Variants in FLII observed in about 807,000 individuals in gnomAD.
FLII encodes the protein FLII actin remodeling protein.
Under a neutral mutation model 156.2 loss-of-function variants are expected in FLII, and 101 were observed. The observed-to-expected ratio is 0.65, with a 90% CI of 0.55 to 0.76. FLII has a LOEUF of 0.76. FLII is among the 30% of genes least tolerant of loss of function. The pLI, the probability that FLII is intolerant of heterozygous loss-of-function variation, is 0.00. For synonymous variants in FLII, 767 were observed against 685.8 expected (o/e 1.12, Z -1.85); for missense variants, 1,675 against 1,682.8 (o/e 1.00, Z 0.08).
chr17:18,249,749 C>T (rs2048202122), intron 14 of FLII, among the ~76,000 whole-genome samples: 2 of 151,384 alleles, frequency 1.3e-5, no homozygotes, highest in African/African-American at 4.9e-5. Context: ...GAGATTGTGC[C>T]ATTGTACTCC....
intron 14 of FLII, among the ~76,000 whole-genome samples, chr17:18,249,817 AC>A (rs1406090690): frequency 2.0e-5 from 3 of 149,944 alleles, no homozygotes; most frequent in African/African-American, 7.4e-5. Flanking sequence ...CAAACAAACA[AC>A]AACAAAAAAA....
rs768643237 is a variant in FLII at position 18,251,363 on chromosome 17, C to G, written c.1498G>C (p.Gly500Arg). The stretch of plus-strand genomic sequence containing the variant: ...TTCTCTATCTGCCAGATGGTCAGTC[C>G]GGGCAGCTGGCCCACGTCCTCCGTG... ...FFTEDVGQLPGLTIWQIENFV... is the reference protein window; with the variant it reads ...FFTEDVGQLPRLTIWQIENFV... The change falls in exon 13 of 30, where the codon GGA becomes CGA. Residue 500 changes from glycine to arginine, a missense_variant. This residue lies in a region of FLII where 1,332 missense variants were observed against 1,269.3 expected (regional missense o/e 1.05). Coordinates refer to ENST00000327031, the MANE Select transcript of FLII (RefSeq NM_002018.4). 9 of 1,613,672 alleles carry G rather than the reference C, an allele frequency of 5.6e-6. No individual in the cohort carries two copies. The highest frequency in any genetic ancestry group is 1.1e-5 in the South Asian group (1 of 91,088).
chr17:18,247,913 C>T lies in FLII; in HGVS notation c.2295+16G>A. 2 of 1,613,434 alleles carry T rather than the reference C, an allele frequency of 1.2e-6. No individual in the cohort carries two copies. The highest frequency in any genetic ancestry group is 1.7e-5 in the Admixed American group (1 of 60,022). ...GGGAGGGATCTGGCCCCACGCCCTC[C>T]TCCTGCATCTCTTACCAGCCGCATT... On this transcript the variant is annotated intron_variant, in intron 19 of 29. Coordinates refer to ENST00000327031, the MANE Select transcript of FLII (RefSeq NM_002018.4).
rs748630784 is a variant in FLII, at chr17:18,252,508, G to C, written c.1062C>G (p.Thr354=). 2 of 1,613,624 alleles carry C rather than the reference G, an allele frequency of 1.2e-6. No individual in the cohort carries two copies. The highest frequency in any genetic ancestry group is 1.7e-6 in the Non-Finnish European group (2 of 1,179,996). The stretch of plus-strand genomic sequence containing the variant: ...TCAGGAAATGGATGGCTTCTGGGAG[G>C]GTCACCAGGTGGTTCTTGTTCAGGA... The part of the protein sequence containing the change: ...KLVLNKNHLV[T]LPEAIHFLTE... Residue 354 remains threonine (T), a synonymous_variant, in exon 10 of 30, where the codon ACC becomes ACG. Coordinates refer to ENST00000327031, the MANE Select transcript of FLII (RefSeq NM_002018.4).
chr17:18,257,548 G>A (rs1431023465), intron 1 of FLII, among the ~76,000 whole-genome samples: 1 of 152,218 alleles, frequency 6.6e-6, no homozygotes, highest in African/African-American at 2.4e-5. Context: ...GCCCACCTCG[G>A]CACCTCCAGC....
chr17:18,252,336 G>T, intron 10 of FLII, 136 bp downstream of exon 10: 1 of 919,150 alleles, frequency 1.1e-6, no homozygotes, highest in Non-Finnish European at 1.7e-6. Flanking sequence ...GATGCAGGGA[G>T]GTGGGGCCCA....
chr17:18,257,077 C>T (rs1222076312), intron 1 of FLII, 58 bp from the exon 2 acceptor site: 2 of 1,182,362 alleles, frequency 1.7e-6, no homozygotes, highest in Non-Finnish European at 2.4e-6. Context: ...TTCTATGGCT[C>T]CTCCAGCCCA....
Position 18,246,060 on chromosome 17 carries a change from AACCTGGGG to A in FLII, c.3268-6_3269del, listed in dbSNP as rs1434854005. 6.2e-7 allele frequency: 1 copy of A among 1,613,978 alleles called. No individual in the cohort carries two copies. The highest frequency in any genetic ancestry group is 8.5e-7 in the Non-Finnish European group (1 of 1,180,032). On this transcript the variant is annotated splice_acceptor_variant and splice_polypyrimidine_tract_variant and coding_sequence_variant and intron_variant, in exon 26 of 30. Coordinates refer to ENST00000327031, the MANE Select transcript of FLII (RefSeq NM_002018.4). LOFTEE classifies it high-confidence loss of function. ...CCTGGTTGTCCTCACTCTCAAAGGG[AACCTGGGG>A]AGTGTGCAGGGGTGGGGGTGTTCGC...
chr17:18,248,465 A>C, intron 18 of FLII, 85 bp downstream of exon 18: 2 of 1,359,554 alleles, frequency 1.5e-6, no homozygotes, highest in Non-Finnish European at 2.0e-6. Flanking sequence ...TGGAGCCCAA[A>C]GCCAACTACA....
chr17:18,245,457 C>T (rs1181313403), intron 28 of FLII, 38 bp from the exon 29 acceptor site: 2 of 1,613,212 alleles, frequency 1.2e-6, no homozygotes, highest in Admixed American at 3.3e-5. Flanking sequence ...TGCATGGGTG[C>T]CTGGGAACAG....
At chr17:18,246,263 C>T (rs759452097) in intron 24 of FLII, 41 bp from the exon 25 acceptor site, 6 of 1,614,026 alleles carry the variant, frequency 3.7e-6, no homozygotes, top group Admixed American at 1.7e-5. Context: ...TCAGGCCTGG[C>T]TCCCTGACGC....
intron 7 of FLII, 45 bp from the exon 8 acceptor site, chr17:18,253,764 G>A (rs376120435): frequency 8.4e-5 from 128 of 1,529,920 alleles, no homozygotes; most frequent in South Asian, 6.9e-4. Flanking sequence ...CATACACCAG[G>A]TGCCAGGGCA....
In FLII at chr17:18,245,666, A is replaced by G; in HGVS notation, c.3504-6T>C. Reference sequence around the variant, plus strand: ...AGCCCTTCTCGTTGGAGCACCTGGGAATCAAGGGTCAAGGTGAGGCCAGAG... The same window carrying G: ...AGCCCTTCTCGTTGGAGCACCTGGGGATCAAGGGTCAAGGTGAGGCCAGAG... On this transcript the variant is annotated splice_region_variant and splice_polypyrimidine_tract_variant and intron_variant, in intron 27 of 29. Transcript: ENST00000327031. 1.2e-6 allele frequency: 2 copies of G among 1,613,480 alleles called. No individual in the cohort carries two copies. Among genetic ancestry groups the G allele is most frequent in the African/African-American group, 2.7e-5 (2 of 74,992 alleles).
rs748506147 is a variant in FLII, at chr17:18,247,137, C to CG, written c.2676+31_2676+32insC. The CG allele has an allele frequency of 1.2e-3, 1,396 of 1,141,876 alleles. 15 individuals carry two copies. The highest frequency in any genetic ancestry group is 3.0e-3 in the Middle Eastern group (10 of 3,330). The allele number at this position is 1,141,876 out of a possible 1,614,324, so 70.7% of individuals were successfully genotyped here. A position where few individuals can be genotyped will look rare whatever the true frequency, so the allele number is the denominator to read the frequency against. ...GCCCTCGGCCTGCCCCCCACCCCCC[C>CG]CCCCGCGCCCCGGTCCCGGCCCTGC... On this transcript the variant is annotated intron_variant, in intron 21 of 29. Transcript: ENST00000327031.
Position 18,245,592 on chromosome 17 carries a change from G to C in FLII, c.3572C>G (p.Ala1191Gly). ...KCSDFCQDDL[A>G]DDDIMLLDNG... is the part of the protein sequence containing the mutation. The stretch of plus-strand genomic sequence containing the variant: ...GTCTAGCAACATGATGTCATCATCT[G>C]CCAGGTCATCTTGGCAAAAGTCGGA... Residue 1191 changes from alanine to glycine, a missense_variant, in exon 28 of 30, where the codon GCA becomes GGA. Around this residue, in one of 2 missense-constraint regions of FLII, gnomAD observed 1,332 missense variants for 1,269.3 expected, o/e 1.05. Transcript: ENST00000327031. 6.2e-7 allele frequency: 1 copy of C among 1,613,900 alleles called. No homozygotes were observed. The highest frequency in any genetic ancestry group is 8.5e-7 in the Non-Finnish European group (1 of 1,180,006).
intron 14 of FLII, 133 bp from the exon 15 acceptor site, chr17:18,249,541 G>A: frequency 1.4e-6 from 1 of 700,116 alleles, no homozygotes; most frequent in Non-Finnish European, 2.5e-6. Flanking sequence ...TGTAATCCCA[G>A]CACTTCAGGA....
At chr17:18,249,465 A>C in intron 14 of FLII, 57 bp from the exon 15 acceptor site, 3 of 1,345,004 alleles carry the variant, frequency 2.2e-6, no homozygotes, top group Non-Finnish European at 2.1e-6. Flanking sequence ...CCCACCAACC[A>C]CTGCCCCTCA....
Position 18,252,534 on chromosome 17 carries a change from C to G in FLII, c.1036G>C (p.Val346Leu). Residue 346 changes from valine to leucine, a missense_variant, in exon 10 of 30, where the codon GTC becomes CTC. Val to Leu is a conservative substitution (Grantham distance 32, BLOSUM62 1). Transcript: ENST00000327031. The part of the protein sequence containing the change: ...LCRCPKLRKL[V>L]LNKNHLVTLP... ...GTCACCAGGTGGTTCTTGTTCAGGACAAGTTTCCTCAGCTTTGGGCACCTG... is the reference window on the plus strand; with the variant it reads ...GTCACCAGGTGGTTCTTGTTCAGGAGAAGTTTCCTCAGCTTTGGGCACCTG... The G allele has an allele frequency of 6.2e-7, 1 of 1,613,658 alleles. No individual in the cohort carries two copies. The highest frequency in any genetic ancestry group is 8.5e-7 in the Non-Finnish European group (1 of 1,179,996).
chr17:18,245,712 G>T, intron 27 of FLII, 32 bp downstream of exon 27: 2 of 1,611,348 alleles, frequency 1.2e-6, no homozygotes, highest in East Asian at 2.2e-5. Context: ...GCAGTGCCAG[G>T]ACTGAGGGGA....
Sources: gnomAD v4.1 joint callset for allele counts (sites outside exome capture counted in the v4.1 genomes callset) on GRCh38, gnomAD v4.1.1 for gene constraint, gnomAD v4.1.1 regional missense constraint, MANE v1.5 for transcripts, NCBI Gene and HGNC (gene_info 2026-07-23, HGNC 2026-07-21) for gene names.